The following XYLT1 variants were observed in gnomAD, a reference collection of about 807,000 sequenced individuals.
XYLT1 encodes the protein xylosyltransferase 1.
XYLT1 carries 36 observed loss-of-function variants against 91.3 expected under a neutral mutation model. The observed-to-expected ratio is 0.39, with a 90% CI of 0.30 to 0.52. The LOEUF is 0.52. Ranked by LOEUF, XYLT1 falls within the 20% of genes least tolerant of loss-of-function variation. The pLI is 0.68. For missense variants in XYLT1, 1,242 were observed against 1,284.5 expected, an observed-to-expected ratio of 0.97 and a Z score of 0.51; for synonymous variants, 588 against 532.0, an observed-to-expected ratio of 1.11 and a Z score of -1.45.
chr16:17,130,555 C>T (rs560650327), intron 9 of XYLT1, among the ~76,000 whole-genome samples: 58 of 152,108 alleles, frequency 3.8e-4, no homozygotes, highest in Non-Finnish European at 8.8e-5. Flanking sequence ...TCACTGCAAC[C>T]TCTGCCTCCC....
Position 17,134,531 on chromosome 16 carries a change from G to C in XYLT1, c.1969C>G (p.Arg657Gly). Reference sequence around the variant, plus strand: ...GTCTCGGCCCGTCGAAGACCCAGGCGGGCAAAGGAGTGGTACAAGGTGAGT... The same window carrying C: ...GTCTCGGCCCGTCGAAGACCCAGGCCGGCAAAGGAGTGGTACAAGGTGAGT... ...VTLTLYHSFA[R>G]LGLRRAETSL... The change falls in exon 9 of 12, where the codon CGC (arginine) becomes GGC (glycine). Residue 657 changes from arginine to glycine, a missense_variant. Physicochemically the swap from Arg to Gly is moderately radical, Grantham distance 125. Around this residue, in one of 3 missense-constraint regions of XYLT1, gnomAD observed 511 missense variants for 497.0 expected, o/e 1.03. Coordinates refer to ENST00000261381, the MANE Select transcript of XYLT1 (RefSeq NM_022166.4). 1.9e-6 allele frequency: 3 copies of C among 1,614,114 alleles called. No homozygotes were observed. Among genetic ancestry groups the C allele is most frequent in the East Asian group, 2.2e-5 (1 of 44,878 alleles).
chr16:17,324,614 A>T (rs1410574362), intron 2 of XYLT1, among the ~76,000 whole-genome samples: 2 of 152,258 alleles, frequency 1.3e-5, no homozygotes, highest in African/African-American at 4.8e-5. Context: ...TCGTGCACAC[A>T]GTGAGAAACC....
intron 1 of XYLT1, among the ~76,000 whole-genome samples, chr16:17,459,282 G>A (rs1193099742): frequency 6.6e-6 from 1 of 152,190 alleles, no homozygotes; most frequent in Non-Finnish European, 1.5e-5. Flanking sequence ...TGAGGTGGGA[G>A]GACTGCTTGA....
intron 2 of XYLT1, among the ~76,000 whole-genome samples, chr16:17,269,280 C>T (rs1361236502): frequency 6.6e-6 from 1 of 152,064 alleles, no homozygotes; most frequent in Middle Eastern, 3.2e-3. Flanking sequence ...AACCTCCTGA[C>T]CTCAAGCGAT....
At chr16:17,133,275 C>A (rs969185340) in intron 9 of XYLT1, among the ~76,000 whole-genome samples, 1 of 152,064 alleles carries the variant, frequency 6.6e-6, no homozygotes, top group Non-Finnish European at 1.5e-5. Flanking sequence ...CTTCTTCCCC[C>A]CAGCCCCGTC....
At chr16:17,425,358 A>G (rs1304607225) in intron 1 of XYLT1, among the ~76,000 whole-genome samples, 1 of 152,170 alleles carries the variant, frequency 6.6e-6, no homozygotes, top group Non-Finnish European at 1.5e-5. Flanking sequence ...ATATATTTTA[A>G]GAGCCAAGAA....
At chr16:17,267,283 C>G (rs2033820950) in intron 2 of XYLT1, among the ~76,000 whole-genome samples, 1 of 152,218 alleles carries the variant, frequency 6.6e-6, no homozygotes, top group African/African-American at 2.4e-5. Flanking sequence ...ACTAATATGT[C>G]ATGCACATAT....
At position 17,370,580 on chromosome 16, in the gene XYLT1, A is replaced by G. The variant is rs145847553; in HGVS notation, c.364-12530T>C. ...TGGTGGGAAGCAACCCTAGTGACTC[A>G]GCAGTGGCCTCTGTTTAGCCAGCAC... is the stretch of plus-strand genomic sequence containing the variant. On this transcript the variant is annotated intron_variant, in intron 1 of 11. Coordinates refer to ENST00000261381, the MANE Select transcript of XYLT1 (RefSeq NM_022166.4). Among the ~76,000 whole-genome samples the G allele has an allele frequency of 3.6e-3, 542 of 152,320 alleles. 5 individuals carry two copies. Among genetic ancestry groups the G allele is most frequent in the African/African-American group, 0.013 (524 of 41,572 alleles).
intron 5 of XYLT1, among the ~76,000 whole-genome samples, chr16:17,197,481 T>C (rs1413639679): frequency 6.6e-6 from 1 of 152,212 alleles, no homozygotes; most frequent in Non-Finnish European, 1.5e-5. Context: ...TCAACTTGAT[T>C]GGACTGAAGG....
At chr16:17,440,462 A>G (rs2036519518) in intron 1 of XYLT1, among the ~76,000 whole-genome samples, 5 of 152,206 alleles carry the variant, frequency 3.3e-5, no homozygotes, top group South Asian at 2.1e-4. Context: ...ACTGCATTCA[A>G]TGTCAGCCAT....
At chr16:17,149,411 G>T (rs1292197891) in intron 6 of XYLT1, among the ~76,000 whole-genome samples, 2 of 151,754 alleles carry the variant, frequency 1.3e-5, no homozygotes, top group African/African-American at 4.8e-5. Flanking sequence ...GAGAATGAAA[G>T]TACAAATGAT....
At chr16:17,358,084 G>T (rs777669654) in intron 1 of XYLT1, 34 bp from the exon 2 acceptor site, 1 of 1,593,130 alleles carries the variant, frequency 6.3e-7, no homozygotes, top group South Asian at 1.1e-5. Flanking sequence ...CACGTGAGGA[G>T]TGAAAAAAAG....
chr16:17,430,285 A>T (rs968428982), intron 1 of XYLT1, among the ~76,000 whole-genome samples: 1 of 152,126 alleles, frequency 6.6e-6, no homozygotes, highest in Non-Finnish European at 1.5e-5. Flanking sequence ...GAGTACCACC[A>T]TGATGCTCAA....
chr16:17,299,391 A>G (rs769820304), intron 2 of XYLT1, among the ~76,000 whole-genome samples: 61 of 152,002 alleles, frequency 4.0e-4, no homozygotes, highest in Admixed American at 1.4e-3. Context: ...CATTTGCACA[A>G]AATACCATGC....
chr16:17,466,416 A>G (rs145606954), intron 1 of XYLT1, among the ~76,000 whole-genome samples: 1 of 152,114 alleles, frequency 6.6e-6, no homozygotes, highest in Non-Finnish European at 1.5e-5. Context: ...ATGCCTAAGG[A>G]TATCTTTGCT....
intron 1 of XYLT1, among the ~76,000 whole-genome samples, chr16:17,405,695 T>A (rs2036024867): frequency 6.6e-6 from 1 of 152,166 alleles, no homozygotes; most frequent in Non-Finnish European, 1.5e-5. Context: ...GCAGGCTCTC[T>A]GTCACCTGCA....
At chr16:17,229,972 C>T (rs1478346162) in intron 3 of XYLT1, among the ~76,000 whole-genome samples, 1 of 152,184 alleles carries the variant, frequency 6.6e-6, no homozygotes, top group Non-Finnish European at 1.5e-5. Flanking sequence ...AGGAAGGTCA[C>T]GTGCTGATAG....
At position 17,278,338 on chromosome 16, in the gene XYLT1, C is replaced by CA. The variant is rs1351608626; in HGVS notation, c.403-18841dup. On this transcript the variant is annotated intron_variant, in intron 2 of 11. Coordinates refer to ENST00000261381, the MANE Select transcript of XYLT1 (RefSeq NM_022166.4). ...TTTGCAGAGAGCAAGCCGGCAGCTGCACCTTGATACTGAAGCCGGGCTGCT... is the reference window on the plus strand; with the variant it reads ...TTTGCAGAGAGCAAGCCGGCAGCTGCAACCTTGATACTGAAGCCGGGCTGCT... Among the ~76,000 whole-genome samples the CA allele has an allele frequency of 2.0e-5, 3 of 152,190 alleles. No individual in the cohort carries two copies. In the South Asian group the frequency reaches 6.2e-4, roughly 32 times the overall value.
rs117951278 is a variant in XYLT1, at chr16:17,143,661, T to C, written c.1371-2292A>G. 8.8e-3 allele frequency among the ~76,000 whole-genome samples: 1,337 copies of C among 152,316 alleles called. 8 individuals are homozygous for C. The highest frequency in any genetic ancestry group is 0.013 in the Non-Finnish European group (860 of 68,032). ...AGTGAACTTCACTTCATCGATCAGA[T>C]TGCAGACCAAAAGCTACTCTCTCAG... On this transcript the variant is annotated intron_variant, in intron 6 of 11. Transcript: ENST00000261381.
Sources: allele counts gnomAD v4.1 joint callset (sites outside exome capture counted in the v4.1 genomes callset), GRCh38; gene constraint gnomAD v4.1.1; regional missense constraint gnomAD v4.1.1; transcripts MANE v1.5; gene names NCBI Gene and HGNC (gene_info 2026-07-23, HGNC 2026-07-21).